APP: variants seen among roughly 807,000 people sequenced by gnomAD.
The protein encoded by APP is amyloid-beta precursor protein.
A neutral mutation model predicts 101.4 loss-of-function variants in APP; 31 were observed. The ratio of observed to expected loss-of-function variants is 0.31; its 90% CI spans 0.23 to 0.41. The LOEUF (loss-of-function observed/expected upper bound fraction) is 0.41. Ranked by LOEUF, APP falls within the 10% of genes least tolerant of loss-of-function variation. The pLI, the probability that APP is intolerant of heterozygous loss-of-function variation, is 1.00. For synonymous variants in APP, 366 were observed against 364.4 expected (o/e 1.00, Z -0.05); for missense variants, 839 against 1,003.7 (o/e 0.84, Z 2.22).
chr21:26,089,823 C>A, intron 3 of APP, 120 bp downstream of exon 3: 1 of 1,480,534 alleles, frequency 6.8e-7, no homozygotes, highest in Non-Finnish European at 9.3e-7. Context: ...CACAGTACAA[C>A]ACAGAGTGGC....
chr21:26,001,135 C>T (rs548546110), intron 6 of APP, among the ~76,000 whole-genome samples: 2 of 152,284 alleles, frequency 1.3e-5, no homozygotes, highest in South Asian at 2.1e-4. Context: ...AGTCAATCAA[C>T]TCCAACTGAT....
At chr21:26,063,436 C>T (rs116667543) in intron 3 of APP, among the ~76,000 whole-genome samples, 114 of 152,090 alleles carry the variant, frequency 7.5e-4, no homozygotes, top group African/African-American at 2.7e-3. Context: ...ACATTACTCT[C>T]CAATAAAAGG....
At chr21:25,952,783 A>C (rs1232558635) in intron 13 of APP, among the ~76,000 whole-genome samples, 1 of 151,694 alleles carries the variant, frequency 6.6e-6, no homozygotes, top group Non-Finnish European at 1.5e-5. Flanking sequence ...TTTCTAGAAG[A>C]TTTTAGCTTC....
At chr21:26,014,035 G>C (rs2043940616) in intron 6 of APP, among the ~76,000 whole-genome samples, 1 of 151,992 alleles carries the variant, frequency 6.6e-6, no homozygotes, top group African/African-American at 2.4e-5. Flanking sequence ...GAGAGTAGAA[G>C]TGCATCCTCT....
intron 5 of APP, among the ~76,000 whole-genome samples, chr21:26,030,777 C>T (rs543319526): frequency 6.3e-4 from 96 of 152,270 alleles, no homozygotes; most frequent in African/African-American, 2.0e-3. Flanking sequence ...AAACTGTGAA[C>T]GAGCAAATTC....
At chr21:26,135,547 G>C (rs930020665) in intron 1 of APP, among the ~76,000 whole-genome samples, 4 of 152,124 alleles carry the variant, frequency 2.6e-5, no homozygotes, top group Non-Finnish European at 5.9e-5. Flanking sequence ...CATTTCCTTA[G>C]TCGTACATTA....
At chr21:26,027,471 A>G (rs1218630847) in intron 5 of APP, among the ~76,000 whole-genome samples, 2 of 152,250 alleles carry the variant, frequency 1.3e-5, no homozygotes, top group Non-Finnish European at 2.9e-5. Flanking sequence ...CTACTAAATT[A>G]GGAAAATGTT....
At chr21:26,163,947 A>G (rs2063552385) in intron 1 of APP, among the ~76,000 whole-genome samples, 1 of 152,266 alleles carries the variant, frequency 6.6e-6, no homozygotes, top group Admixed American at 6.5e-5. Context: ...GGCTGGTTAC[A>G]CAAATTCACT....
At chr21:25,899,006 T>G (rs1174989125) in intron 15 of APP, among the ~76,000 whole-genome samples, 2 of 152,230 alleles carry the variant, frequency 1.3e-5, no homozygotes, top group Admixed American at 6.5e-5. Context: ...TGACAAAACC[T>G]AGGAAATCCA....
At chr21:25,902,644 T>A (rs1005300032) in intron 15 of APP, among the ~76,000 whole-genome samples, 3 of 152,204 alleles carry the variant, frequency 2.0e-5, no homozygotes, top group African/African-American at 7.2e-5. Context: ...CCTCAAATCT[T>A]TCATAACCTC....
chr21:25,917,475 G>C (rs1468527544), intron 13 of APP, among the ~76,000 whole-genome samples: 3 of 152,050 alleles, frequency 2.0e-5, no homozygotes, highest in African/African-American at 7.2e-5. Context: ...ATAAATAAAA[G>C]AACTGCTGAA....
At chr21:26,082,230 AAAATAAAT>A (rs138265791) in intron 3 of APP, among the ~76,000 whole-genome samples, 1 of 151,398 alleles carries the variant, frequency 6.6e-6, no homozygotes. Context: ...AAAAATGAAT[AAAATAAAT>A]AAATAAATAA....
chr21:26,065,629 G>C (rs1165270439), intron 3 of APP, among the ~76,000 whole-genome samples: 2 of 152,168 alleles, frequency 1.3e-5, no homozygotes, highest in Non-Finnish European at 2.9e-5. Context: ...GCTAATGACA[G>C]AGGTGGGCTC....
intron 9 of APP, among the ~76,000 whole-genome samples, chr21:25,980,657 G>C (rs2042393844): frequency 1.3e-5 from 1 of 78,268 alleles, no homozygotes; most frequent in South Asian, 5.1e-4. Context: ...TTCATCTTAA[G>C]GCAAAACAAA....
chr21:26,065,180 T>C lies in APP; in HGVS notation c.356-11832A>G, dbSNP rs45444402. On this transcript the variant is annotated intron_variant, in intron 3 of 17. Coordinates refer to ENST00000346798, the MANE Select transcript of APP (RefSeq NM_000484.4). ...ACTCCCGGATTTCTTAACTCAGAAC[T>C]CAGAATCAGGTGCACCTGCCACACA... Among the ~76,000 whole-genome samples the C allele has an allele frequency of 9.6e-3, 1,463 of 152,136 alleles. 14 individuals carry two copies. The highest frequency in any genetic ancestry group is 0.027 in the Middle Eastern group (8 of 292).
At chr21:25,945,749 G>A (rs969694124) in intron 13 of APP, 39 of 357,306 alleles carry the variant, frequency 1.1e-4, no homozygotes, top group South Asian at 1.8e-4. Flanking sequence ...CCCAGGTGGC[G>A]TGATCAAGGC....
Position 26,112,060 on chromosome 21 carries a change from C to G in APP, c.144G>C (p.Gln48His), listed in dbSNP as rs2062337896. The change falls in exon 2 of 18, where the codon CAG (glutamine) becomes CAC (histidine). Residue 48 changes from glutamine (Q) to histidine (H), a missense_variant. Gln to His is a conservative substitution (Grantham distance 24). Coordinates refer to ENST00000346798, the MANE Select transcript of APP (RefSeq NM_000484.4). ...ATGGATCTGAATCCCACTTCCCATT[C>G]TGGACATTCATGTGCATGTTCAGTC... ...CGRLNMHMNV[Q>H]NGKWDSDPSG... 6.2e-7 allele frequency: 1 copy of G among 1,614,014 alleles called. No homozygotes were observed. Among genetic ancestry groups the G allele is most frequent in the African/African-American group, 1.3e-5 (1 of 74,910 alleles).
At chr21:26,151,425 G>A (rs1183751649) in intron 1 of APP, among the ~76,000 whole-genome samples, 2 of 152,080 alleles carry the variant, frequency 1.3e-5, no homozygotes, top group Admixed American at 6.6e-5. Context: ...TTGCTTGTTT[G>A]AACTACTAGA....
intron 2 of APP, among the ~76,000 whole-genome samples, chr21:26,106,111 G>T (rs1013641272): frequency 2.0e-5 from 3 of 152,206 alleles, no homozygotes; most frequent in African/African-American, 7.2e-5. Context: ...GCCAAACCAG[G>T]ACTAACACTA....
Sources: gnomAD v4.1 joint callset for allele counts (sites outside exome capture counted in the v4.1 genomes callset) on GRCh38, gnomAD v4.1.1 for gene constraint, MANE v1.5 for transcripts, NCBI Gene and HGNC (gene_info 2026-07-23, HGNC 2026-07-21) for gene names.